The following SHANK2 variants were observed in gnomAD, a reference collection of about 807,000 sequenced individuals.
SHANK2 encodes the protein SH3 and multiple ankyrin repeat domains 2, also known as SH3 and multiple ankyrin repeat domains protein 2.
In SHANK2, 43 loss-of-function variants were observed where a neutral mutation model predicts 133.7. The observed-to-expected ratio is 0.32, with a 90% confidence interval of 0.25 to 0.41. The LOEUF is 0.41. Among genes scored for constraint, SHANK2 ranks in the 10% least tolerant of loss-of-function variants. The pLI is 1.00. For missense variants in SHANK2, 1,994 were observed against 2,235.8 expected (o/e 0.89, Z 2.18); for synonymous variants, 1,017 against 952.8 (o/e 1.07, Z -1.24).
chr11:70,567,789 G>A (rs556379228), intron 17 of SHANK2, among the ~76,000 whole-genome samples: 3 of 152,282 alleles, frequency 2.0e-5, no homozygotes, highest in African/African-American at 7.2e-5. Context: ...AGAACTGTGA[G>A]AGTCAACGTC....
chr11:70,863,984 G>A, intron 11 of SHANK2: 1 of 395,278 alleles, frequency 2.5e-6, no homozygotes, highest in Admixed American at 3.0e-5. Flanking sequence ...CTTTCTTATG[G>A]CAGCCCCAGC....
intron 17 of SHANK2, among the ~76,000 whole-genome samples, chr11:70,587,689 G>A (rs2060271777): frequency 6.8e-6 from 1 of 147,330 alleles, no homozygotes; most frequent in African/African-American, 2.5e-5. Context: ...CCATTGTTGA[G>A]CACGTCCAGT....
chr11:70,531,176 A>C (rs1049216624), intron 17 of SHANK2, among the ~76,000 whole-genome samples: 76 of 151,514 alleles, frequency 5.0e-4, no homozygotes, highest in South Asian at 4.8e-3. Flanking sequence ...AAAAAAAAAA[A>C]AAAAACAAAA....
intron 6 of SHANK2, among the ~76,000 whole-genome samples, chr11:71,108,051 C>T (rs1218657622): frequency 6.6e-6 from 1 of 152,222 alleles, no homozygotes; most frequent in Non-Finnish European, 1.5e-5. Context: ...GTGAGAGCCA[C>T]GGCCAAAGGC....
chr11:71,250,844 T>C (rs1229338533), intron 1 of SHANK2, among the ~76,000 whole-genome samples: 14 of 152,114 alleles, frequency 9.2e-5, no homozygotes, highest in Non-Finnish European at 1.5e-4. Flanking sequence ...ACATCCCAGA[T>C]AGAGATCAAA....
At chr11:70,544,074 C>T (rs184849882) in intron 17 of SHANK2, among the ~76,000 whole-genome samples, 5 of 152,286 alleles carry the variant, frequency 3.3e-5, no homozygotes, top group Non-Finnish European at 7.3e-5. Context: ...TTAGCAGACA[C>T]GTTCCCATTT....
chr11:70,520,040 G>A (rs959317981), intron 17 of SHANK2, among the ~76,000 whole-genome samples: 2 of 151,300 alleles, frequency 1.3e-5, no homozygotes, highest in East Asian at 3.9e-4. Flanking sequence ...AAGCCACCAC[G>A]CCTGGTCTAG....
chr11:70,578,117 A>T (rs537394614), intron 17 of SHANK2, among the ~76,000 whole-genome samples: 1 of 152,306 alleles, frequency 6.6e-6, no homozygotes, highest in South Asian at 2.1e-4. Context: ...AGACACACGA[A>T]GACACACTGA....
At chr11:70,629,670 G>C (rs2060955909) in intron 17 of SHANK2, among the ~76,000 whole-genome samples, 1 of 152,198 alleles carries the variant, frequency 6.6e-6, no homozygotes, top group Admixed American at 6.5e-5. Flanking sequence ...GGGAGAGGGG[G>C]TGCTGCCGTC....
chr11:70,879,576 C>A (rs557945818), intron 11 of SHANK2, among the ~76,000 whole-genome samples: 20 of 152,326 alleles, frequency 1.3e-4, no homozygotes, highest in South Asian at 2.1e-4. Context: ...TTTGGTCAAA[C>A]GCTTTTTCTT....
rs1951923967 is a variant in SHANK2, at chr11:71,113,381, AAAAG to A, written c.412-21_412-18del. On this transcript the variant is annotated intron_variant, in intron 4 of 25. Transcript: ENST00000601538. ...GTATCGAAACTGGCACAGAAAACAA[AAAAG>A]AGAGAGAAAACAAGTCAATACTTCT... The A allele has an allele frequency of 3.2e-6, 5 of 1,550,896 alleles. No homozygotes were observed. Among genetic ancestry groups the A allele is most frequent in the African/African-American group, 2.7e-5 (2 of 73,036 alleles).
intron 10 of SHANK2, among the ~76,000 whole-genome samples, chr11:70,909,045 A>G (rs1555078505): frequency 6.6e-6 from 1 of 152,248 alleles, no homozygotes; most frequent in African/African-American, 2.4e-5. Flanking sequence ...GTGTAAGTTT[A>G]ACAAACACAC....
intron 14 of SHANK2, among the ~76,000 whole-genome samples, chr11:70,794,241 A>G (rs1390440111): frequency 1.3e-5 from 2 of 150,504 alleles, no homozygotes; most frequent in Admixed American, 6.7e-5. Flanking sequence ...AGATGGTGCC[A>G]CTGCACTCCA....
chr11:70,913,028 G>A (rs1030979254), intron 10 of SHANK2, among the ~76,000 whole-genome samples: 1 of 150,138 alleles, frequency 6.7e-6, no homozygotes, highest in African/African-American at 2.5e-5. Context: ...CAGATTCTAA[G>A]CCAGTTCCTC....
At chr11:71,079,676 C>T (rs1286142461) in intron 8 of SHANK2, among the ~76,000 whole-genome samples, 6 of 150,516 alleles carry the variant, frequency 4.0e-5, no homozygotes, top group South Asian at 4.3e-4. Flanking sequence ...GGGAGAATGG[C>T]GTGAACCCGG....
At chr11:70,857,191 A>G (rs976694949) in intron 11 of SHANK2, among the ~76,000 whole-genome samples, 1 of 152,206 alleles carries the variant, frequency 6.6e-6, no homozygotes, top group East Asian at 1.9e-4. Flanking sequence ...TGAGAGCCCA[A>G]TCGGGCCACA....
intron 17 of SHANK2, among the ~76,000 whole-genome samples, chr11:70,517,404 C>T (rs1364601428): frequency 5.3e-5 from 8 of 152,216 alleles, no homozygotes; most frequent in Admixed American, 3.9e-4. Context: ...ATACAAAAAC[C>T]TGTATGCCGA....
chr11:70,755,322 T>C (rs1946844599), intron 14 of SHANK2, among the ~76,000 whole-genome samples: 1 of 152,236 alleles, frequency 6.6e-6, no homozygotes, highest in Non-Finnish European at 1.5e-5. Flanking sequence ...TCCACCTGCC[T>C]CGGCCTCCCA....
chr11:71,068,841 C>T (rs1370450492), intron 9 of SHANK2, among the ~76,000 whole-genome samples: 1 of 152,134 alleles, frequency 6.6e-6, no homozygotes, highest in Non-Finnish European at 1.5e-5. Flanking sequence ...TCAGCACCAT[C>T]GCTGTCACCA....
Sources: gnomAD v4.1 joint callset for allele counts (sites outside exome capture counted in the v4.1 genomes callset) on GRCh38, gnomAD v4.1.1 for gene constraint, MANE v1.5 for transcripts, NCBI Gene and HGNC (gene_info 2026-07-23, HGNC 2026-07-21) for gene names.